Variants in FUBP1 observed in about 807,000 individuals in gnomAD.
FUBP1 encodes far upstream element binding protein 1.
FUBP1 carries 16 observed loss-of-function variants against 94.9 expected under a neutral mutation model. That is an observed-to-expected ratio of 0.17 (90% confidence interval 0.11 to 0.26). FUBP1 has a LOEUF of 0.26. Among genes scored for constraint, FUBP1 ranks in the 10% least tolerant of loss-of-function variants. The pLI is 1.00. For synonymous variants in FUBP1, 279 were observed against 254.9 expected (o/e 1.09, Z -0.90); for missense variants, 583 against 808.6 (o/e 0.72, Z 3.38).
chr1:77,964,481 A>C, intron 10 of FUBP1, 125 bp from the exon 11 acceptor site: 1 of 676,256 alleles, frequency 1.5e-6, no homozygotes, highest in Non-Finnish European at 2.5e-6. Flanking sequence ...ATATAATTCT[A>C]TATTTATAGT....
At chr1:77,964,504 A>C (rs745694807) in intron 10 of FUBP1, 142 bp downstream of exon 10, 2 of 666,578 alleles carry the variant, frequency 3.0e-6, no homozygotes, top group African/African-American at 1.8e-5. Context: ...ATAGGGTAAC[A>C]AGATATATAG....
chr1:77,966,011 G>A (rs938388789), intron 7 of FUBP1, among the ~76,000 whole-genome samples: 6 of 152,092 alleles, frequency 3.9e-5, no homozygotes, highest in Non-Finnish European at 8.8e-5. Context: ...GCGAGACTTC[G>A]TCTCAAAAAA....
intron 16 of FUBP1, 23 bp downstream of exon 16, chr1:77,960,161 C>T (rs1378855011): frequency 4.6e-6 from 7 of 1,520,944 alleles, no homozygotes; most frequent in East Asian, 2.3e-5. Flanking sequence ...ACAGATAACA[C>T]ACAAATAATA....
intron 16 of FUBP1, among the ~76,000 whole-genome samples, chr1:77,958,057 G>A (rs2102325780): frequency 1.3e-5 from 2 of 152,244 alleles, no homozygotes; most frequent in African/African-American, 4.8e-5. Flanking sequence ...CTTCCGAAGT[G>A]CTAGCGTCAC....
intron 18 of FUBP1, 72 bp downstream of exon 18, chr1:77,955,183 T>C (rs1394137177): frequency 8.4e-6 from 6 of 712,378 alleles, no homozygotes; most frequent in Non-Finnish European, 1.5e-5. Context: ...TATTCAATTA[T>C]TCTCTTCCTG....
intron 1 of FUBP1, among the ~76,000 whole-genome samples, chr1:77,972,251 G>GT (rs2102479845): frequency 6.6e-6 from 1 of 152,250 alleles, no homozygotes; most frequent in Non-Finnish European, 1.5e-5. Flanking sequence ...TAGAAGGAAA[G>GT]TATTTCAGGC....
Position 77,978,219 on chromosome 1 carries a change from T to C in FUBP1, c.120+666A>G, listed in dbSNP as rs369537229. Among the ~76,000 whole-genome samples, 9 of 152,342 alleles carry C rather than the reference T, an allele frequency of 5.9e-5. No homozygotes were observed. The South Asian group carries it at 8.3e-4, about 14-fold the overall frequency. On this transcript the variant is annotated intron_variant, in intron 1 of 19. Coordinates refer to ENST00000370768, the MANE Select transcript of FUBP1 (RefSeq NM_003902.5). ...CTTCAGGGCAAATGCACGCACTACG[T>C]AATACAAAGAGGTCTGGTCAGTTTA...
Position 77,956,605 on chromosome 1 carries a change from C to T in FUBP1, c.1672G>A (p.Gly558Ser). 1 of 1,612,804 alleles carries T rather than the reference C, an allele frequency of 6.2e-7. No individual in the cohort carries two copies. Among genetic ancestry groups the T allele is most frequent in the South Asian group, 1.1e-5 (1 of 91,020 alleles). The stretch of plus-strand genomic sequence containing the variant: ...TTAGTTTGAGTTGTAGTTGGTGCAC[C>T]TGCAGGGGCTGCTGGTGGTGGCTGT... ...QAQPPPAAPA[G>S]APTTTQTNGQ... Residue 558 changes from glycine (G) to serine (S), a missense_variant, in exon 17 of 20, where the codon GGT becomes AGT. Coordinates refer to ENST00000370768, the MANE Select transcript of FUBP1 (RefSeq NM_003902.5).
At chr1:77,966,987 T>C (rs372145181) in intron 5 of FUBP1, 32 bp from the exon 6 acceptor site, 376 of 1,549,018 alleles carry the variant, frequency 2.4e-4, no homozygotes, top group Non-Finnish European at 3.2e-4. Flanking sequence ...TTTTTTTTGG[T>C]TGAAAGATTC....
chr1:77,951,621 C>T (rs1415723602), intron 18 of FUBP1, among the ~76,000 whole-genome samples: 1 of 152,134 alleles, frequency 6.6e-6, no homozygotes, highest in Non-Finnish European at 1.5e-5. Flanking sequence ...GTGATCATGG[C>T]TTAGTTACTG....
At chr1:77,955,586 A>C (rs1654293268) in intron 17 of FUBP1, 3 of 369,760 alleles carry the variant, frequency 8.1e-6, no homozygotes, top group Admixed American at 9.2e-5. Context: ...ATGTCAAATA[A>C]GGAAATACAC....
intron 1 of FUBP1, among the ~76,000 whole-genome samples, chr1:77,972,594 C>CAAAAAAAAAAAAA (rs59360608): frequency 2.5e-5 from 3 of 122,204 alleles, no homozygotes; most frequent in African/African-American, 9.3e-5. Flanking sequence ...ACTAAAAATA[C>CAAAAAAAAAAAAA]AAAAAAAAAA....
chr1:77,978,857 G>C lies in FUBP1; in HGVS notation c.120+28C>G, dbSNP rs746766159. ...CAGCGGCCAATTACCGTGAGCTTTC[G>C]GGATTCCGCCGCGCGGTCCACACTT... On this transcript the variant is annotated intron_variant, in intron 1 of 19. Transcript: ENST00000370768. The C allele has an allele frequency of 1.1e-5, 17 of 1,613,234 alleles. No individual in the cohort carries two copies. In the East Asian group the frequency reaches 3.6e-4, roughly 34 times the overall value.
rs765703675 is a variant in FUBP1 at position 77,945,835 on chromosome 1, C to G, written c.*2931G>C. 2 of 211,868 alleles carry G rather than the reference C, an allele frequency of 9.4e-6. No homozygotes were observed. Among genetic ancestry groups the G allele is most frequent in the East Asian group, 7.1e-5 (1 of 14,112 alleles). 13.1% of individuals were successfully genotyped at this position (211,868 alleles called of 1,614,324 possible). A position where few individuals can be genotyped will look rare whatever the true frequency, so the allele number is the denominator to read the frequency against. On this transcript the variant is annotated 3_prime_UTR_variant, in exon 20 of 20. Coordinates refer to ENST00000370768, the MANE Select transcript of FUBP1 (RefSeq NM_003902.5). ...TATAAAAACACACAAACATTTTAAA[C>G]TGGCAAAAAAATTAAATGCAGCGTC...
In FUBP1 at chr1:77,950,703, C is replaced by T. The variant is rs545660297; in HGVS notation, c.1781-1403G>A. 3.9e-5 allele frequency among the ~76,000 whole-genome samples: 6 copies of T among 152,214 alleles called. No homozygotes were observed. In the South Asian group the frequency reaches 6.2e-4, roughly 16 times the overall value. On this transcript the variant is annotated intron_variant, in intron 18 of 19. Coordinates refer to ENST00000370768, the MANE Select transcript of FUBP1 (RefSeq NM_003902.5). ...GCACTATTTTATTTCGTTTGTAACT[C>T]GCTTGGCTTTGTGAAATAACTACCA...
intron 17 of FUBP1, 147 bp from the exon 18 acceptor site, chr1:77,955,476 C>T (rs1334989765): frequency 1.6e-6 from 1 of 609,230 alleles, no homozygotes. Context: ...GCATCCCTAA[C>T]AGTGCCAAAG....
intron 1 of FUBP1, among the ~76,000 whole-genome samples, chr1:77,973,497 C>T (rs1179588027): frequency 6.6e-6 from 1 of 152,238 alleles, no homozygotes; most frequent in Non-Finnish European, 1.5e-5. Flanking sequence ...CCACCCGCCT[C>T]AGCCTCCCAA....
At position 77,947,818 on chromosome 1, in the gene FUBP1, T is replaced by A. The variant is rs1226286397; in HGVS notation, c.*948A>T. The A allele has an allele frequency of 9.2e-7, 1 of 1,082,530 alleles. No homozygotes were observed. Among genetic ancestry groups the A allele is most frequent in the Non-Finnish European group, 1.2e-6 (1 of 854,122 alleles). The allele number at this position is 1,082,530 out of a possible 1,614,324, so 67.1% of individuals were successfully genotyped here. ...AAGCTTGAACGTTTCCATACCCCAT[T>A]TATGTTTCAATGGCAGATGCAATGT... On this transcript the variant is annotated 3_prime_UTR_variant, in exon 20 of 20. Transcript: ENST00000370768.
At chr1:77,977,881 A>G (rs1052330721) in intron 1 of FUBP1, among the ~76,000 whole-genome samples, 2 of 152,218 alleles carry the variant, frequency 1.3e-5, no homozygotes, top group African/African-American at 4.8e-5. Flanking sequence ...TTTTGACTCA[A>G]TGTTCCTTCA....
Sources: gnomAD v4.1 joint callset for allele counts (sites outside exome capture counted in the v4.1 genomes callset) on GRCh38, gnomAD v4.1.1 for gene constraint, MANE v1.5 for transcripts, NCBI Gene and HGNC (gene_info 2026-07-23, HGNC 2026-07-21) for gene names.